NUFIP2: variants seen among roughly 807,000 people sequenced by gnomAD.
NUFIP2 encodes nuclear FMR1 interacting protein 2.
In NUFIP2, 6 loss-of-function variants were observed where a neutral mutation model predicts 56.9. The observed-to-expected ratio is 0.11, with a 90% CI of 0.06 to 0.21. The LOEUF (loss-of-function observed/expected upper bound fraction) is 0.21, where lower values mean the gene tolerates loss of function less well. NUFIP2 is among the 10% of genes least tolerant of loss of function. NUFIP2 has a pLI of 1.00. For synonymous variants in NUFIP2, 321 were observed against 298.2 expected (o/e 1.08, Z -0.79); for missense variants, 828 against 826.8 (o/e 1.00, Z -0.02).
At chr17:29,281,428 G>T (rs1007870997) in intron 2 of NUFIP2, among the ~76,000 whole-genome samples, 1 of 152,076 alleles carries the variant, frequency 6.6e-6, no homozygotes, top group Non-Finnish European at 1.5e-5. Context: ...GGAGCTCAAG[G>T]CTACAGTGAG....
rs2069033918 is a variant in NUFIP2 at position 29,265,986 on chromosome 17, T to C, written c.2036-1395A>G. 2.6e-5 allele frequency among the ~76,000 whole-genome samples: 4 copies of C among 152,212 alleles called. No homozygotes were observed. The South Asian group carries it at 8.3e-4, about 31-fold the overall frequency. ...CAGGGTATATTTTCTTTTCCTTTTT[T>C]TCAGACGAAGTTTCGTTCTTGTTGC... On this transcript the variant is annotated intron_variant, in intron 3 of 3. Transcript: ENST00000225388.
At chr17:29,276,314 C>G (rs943941798) in intron 2 of NUFIP2, among the ~76,000 whole-genome samples, 2 of 152,128 alleles carry the variant, frequency 1.3e-5, no homozygotes, top group Non-Finnish European at 2.9e-5. Context: ...AATAAACAGA[C>G]TAATGCCCAC....
chr17:29,274,198 T>C (rs192323294), intron 2 of NUFIP2, among the ~76,000 whole-genome samples: 4 of 152,326 alleles, frequency 2.6e-5, no homozygotes, highest in Non-Finnish European at 4.4e-5. Context: ...AATAAAGTTT[T>C]AATGAGGGCC....
chr17:29,288,049 ATT>A (rs1041722648), intron 1 of NUFIP2, among the ~76,000 whole-genome samples: 5 of 152,020 alleles, frequency 3.3e-5, no homozygotes, highest in Non-Finnish European at 7.4e-5. Context: ...CTGTTATAAA[ATT>A]TTCTTTTTTC....
At position 29,256,005 on chromosome 17, in the gene NUFIP2, G is replaced by A. The variant is rs1305329443; in HGVS notation, c.*8534C>T. The A allele has an allele frequency of 6.6e-6, 1 of 152,084 alleles. No homozygotes were observed. The highest frequency in any genetic ancestry group is 2.4e-5 in the African/African-American group (1 of 41,388). The allele number at this position is 152,084 out of a possible 1,614,324, so 9.4% of individuals were successfully genotyped here. A position where few individuals can be genotyped will look rare whatever the true frequency, so the allele number is the denominator to read the frequency against. Reference sequence around the variant, plus strand: ...TGAACATGATGAAGACATCAATAAAGGAAGATCATCACGTAAATGACACTT... The same window carrying A: ...TGAACATGATGAAGACATCAATAAAAGAAGATCATCACGTAAATGACACTT... On this transcript the variant is annotated 3_prime_UTR_variant, in exon 4 of 4. Transcript: ENST00000225388.
At chr17:29,293,152 C>T (rs1460724918) in intron 1 of NUFIP2, among the ~76,000 whole-genome samples, 2 of 151,638 alleles carry the variant, frequency 1.3e-5, no homozygotes, top group Non-Finnish European at 3.0e-5. Context: ...TCGGGAGGAG[C>T]CGCGGGACAA....
intron 2 of NUFIP2, among the ~76,000 whole-genome samples, chr17:29,276,661 CAT>C (rs1234974851): frequency 2.0e-5 from 3 of 152,236 alleles, no homozygotes; most frequent in African/African-American, 7.2e-5. Flanking sequence ...CATTTCTTTC[CAT>C]ATGTTTCACT....
intron 2 of NUFIP2, among the ~76,000 whole-genome samples, chr17:29,272,442 G>A (rs1454319376): frequency 6.6e-6 from 1 of 151,914 alleles, no homozygotes; most frequent in South Asian, 2.1e-4. Context: ...GGGTTTCACC[G>A]TGTTAGCCAG....
rs2069013575 is a variant in NUFIP2, at chr17:29,263,103, A to G, written c.*1436T>C. On this transcript the variant is annotated 3_prime_UTR_variant, in exon 4 of 4. Transcript: ENST00000225388. ...TGTATTTGACATACATGGATATACT[A>G]ATTTCTGTGTGTGTGATGTGATGCT... The G allele has an allele frequency of 6.6e-6, 1 of 152,550 alleles. No homozygotes were observed. The highest frequency in any genetic ancestry group is 1.5e-5 in the Non-Finnish European group (1 of 68,024). The allele number at this position is 152,550 out of a possible 1,614,324, so 9.4% of individuals were successfully genotyped here.
At chr17:29,293,717 C>A in intron 1 of NUFIP2, 66 bp downstream of exon 1, 1 of 1,360,866 alleles carries the variant, frequency 7.3e-7, no homozygotes, top group Non-Finnish European at 9.9e-7. Context: ...TCGGATCCAG[C>A]CCCACCCCCA....
rs1481330508 is a variant in NUFIP2 at position 29,258,207 on chromosome 17, C to T, written c.*6332G>A. ...AATATAACCAGATAGCTTTGGCCCA[C>T]ACATCTTTCTCATTCCTCCACCTCA... On this transcript the variant is annotated 3_prime_UTR_variant, in exon 4 of 4. Transcript: ENST00000225388. 2 of 152,158 alleles carry T rather than the reference C, an allele frequency of 1.3e-5. No individual in the cohort carries two copies. The highest frequency in any genetic ancestry group is 2.9e-5 in the Non-Finnish European group (2 of 68,018). 9.4% of individuals were successfully genotyped at this position (152,158 alleles called of 1,614,324 possible).
At position 29,286,122 on chromosome 17, in the gene NUFIP2, T is replaced by C; in HGVS notation, c.1872A>G (p.Gln624=). 3.7e-6 allele frequency: 6 copies of C among 1,614,206 alleles called. No homozygotes were observed. The highest frequency in any genetic ancestry group is 4.2e-6 in the Non-Finnish European group (5 of 1,180,022). Residue 624 remains glutamine, a synonymous_variant, in exon 2 of 4, where the codon CAA becomes CAG. Transcript: ENST00000225388. ...FLSKDYEIES[Q]NPLASPTNTL... The stretch of plus-strand genomic sequence containing the variant: ...TGTTCGTAGGAGAGGCCAGAGGATT[T>C]TGACTTTCTATCTCGTAGTCCTTTG...
chr17:29,271,536 C>CAA (rs200734042), intron 2 of NUFIP2, among the ~76,000 whole-genome samples: 15 of 118,958 alleles, frequency 1.3e-4, no homozygotes, highest in Admixed American at 1.7e-4. Context: ...GACTCCGTCT[C>CAA]AAAAAAAAAA....
At position 29,286,244 on chromosome 17, in the gene NUFIP2, T is replaced by C. The variant is rs1325557148; in HGVS notation, c.1750A>G (p.Thr584Ala). 1.2e-6 allele frequency: 2 copies of C among 1,614,044 alleles called. No individual in the cohort carries two copies. Among genetic ancestry groups the C allele is most frequent in the Non-Finnish European group, 8.5e-7 (1 of 1,180,036 alleles). The change falls in exon 2 of 4, where the codon ACT becomes GCT. Residue 584 changes from threonine to alanine, a missense_variant. Physicochemically the swap from Thr to Ala is moderately conservative, Grantham distance 58 (BLOSUM62 0). Coordinates refer to ENST00000225388, the MANE Select transcript of NUFIP2 (RefSeq NM_020772.3). ...QVLGSILKSG[T>A]TSESGALSLE... The stretch of plus-strand genomic sequence containing the variant: ...GATAAGGCTCCACTCTCACTAGTAG[T>C]CCCAGATTTTAGAATGCTACCCAGA...
rs536959245 is a variant in NUFIP2 at position 29,265,427 on chromosome 17, C to T, written c.2036-836G>A. Reference sequence around the variant, plus strand: ...ACGCCATTCTCCTGCCTCAGCCTCCCGAGTAGCTGGGACTACAGGCGCCCG... The same window carrying T: ...ACGCCATTCTCCTGCCTCAGCCTCCTGAGTAGCTGGGACTACAGGCGCCCG... On this transcript the variant is annotated intron_variant, in intron 3 of 3. Coordinates refer to ENST00000225388, the MANE Select transcript of NUFIP2 (RefSeq NM_020772.3). 7.5e-5 allele frequency among the ~76,000 whole-genome samples: 11 copies of T among 146,568 alleles called. No individual in the cohort carries two copies. In the East Asian group the frequency reaches 1.6e-3, roughly 21 times the overall value.
intron 3 of NUFIP2, among the ~76,000 whole-genome samples, chr17:29,266,631 A>G (rs1019035397): frequency 6.6e-6 from 1 of 151,916 alleles, no homozygotes; most frequent in Non-Finnish European, 1.5e-5. Context: ...TATGAATTTC[A>G]ATTCTTAGGC....
rs1025213103 is a variant in NUFIP2 at position 29,294,119 on chromosome 17, A to T, written c.-60T>A. On this transcript the variant is annotated 5_prime_UTR_variant, in exon 1 of 4. Coordinates refer to ENST00000225388, the MANE Select transcript of NUFIP2 (RefSeq NM_020772.3). ...GGCTGCTGCACCGTCAGGATCTGAG[A>T]CTGCTTCTCAGGGCTCACTCAGTAT... is the stretch of plus-strand genomic sequence containing the variant. 2.6e-6 allele frequency: 4 copies of T among 1,536,740 alleles called. No homozygotes were observed. The African/African-American group carries it at 5.5e-5, about 21-fold the overall frequency.
intron 2 of NUFIP2, among the ~76,000 whole-genome samples, chr17:29,272,876 G>A (rs2069084173): frequency 1.3e-5 from 2 of 150,148 alleles, no homozygotes; most frequent in African/African-American, 2.4e-5. Context: ...TTTTTTGAGA[G>A]AGTCTTGCTG....
intron 2 of NUFIP2, among the ~76,000 whole-genome samples, chr17:29,279,826 A>G (rs1009669168): frequency 6.6e-6 from 1 of 151,940 alleles, no homozygotes; most frequent in Non-Finnish European, 1.5e-5. Context: ...TTTTATTTTC[A>G]TTTTTTGAGG....
Sources: gnomAD v4.1 joint callset for allele counts (sites outside exome capture counted in the v4.1 genomes callset) on GRCh38, gnomAD v4.1.1 for gene constraint, MANE v1.5 for transcripts, NCBI Gene and HGNC (gene_info 2026-07-23, HGNC 2026-07-21) for gene names.